Variants in AUTS2 observed in about 807,000 individuals in gnomAD.
AUTS2 encodes activator of transcription and developmental regulator AUTS2, also known as autism susceptibility gene 2 protein.
Under a neutral mutation model 112.4 loss-of-function variants are expected in AUTS2, and 17 were observed. The observed-to-expected ratio is 0.15, with a 90% CI of 0.10 to 0.23. The LOEUF (loss-of-function observed/expected upper bound fraction) is 0.23. Among genes scored for constraint, AUTS2 ranks in the 10% least tolerant of loss-of-function variants. AUTS2 has a pLI of 1.00. For missense variants in AUTS2, 1,510 were observed against 1,701.6 expected, an observed-to-expected ratio of 0.89 and a Z score of 1.98; for synonymous variants, 751 against 702.7, an observed-to-expected ratio of 1.07 and a Z score of -1.09.
chr7:70,584,455 A>G (rs143094257), intron 5 of AUTS2, among the ~76,000 whole-genome samples: 1 of 152,356 alleles, frequency 6.6e-6, no homozygotes, highest in East Asian at 1.9e-4. Flanking sequence ...CTTGGGATTT[A>G]TAAGTTCTGT....
intron 4 of AUTS2, among the ~76,000 whole-genome samples, chr7:70,304,135 C>G (rs1789376003): frequency 6.6e-6 from 1 of 152,194 alleles, no homozygotes; most frequent in Non-Finnish European, 1.5e-5. Flanking sequence ...TCCTGTGATT[C>G]ACACCGTGAG....
chr7:69,706,035 A>G (rs1798050235), intron 1 of AUTS2, among the ~76,000 whole-genome samples: 1 of 152,116 alleles, frequency 6.6e-6, no homozygotes, highest in Non-Finnish European at 1.5e-5. Context: ...TAGGACTTCA[A>G]CCTACAAATT....
chr7:69,821,306 C>G (rs1562906011), intron 1 of AUTS2, among the ~76,000 whole-genome samples: 1 of 152,050 alleles, frequency 6.6e-6, no homozygotes, highest in Non-Finnish European at 1.5e-5. Flanking sequence ...CGAGTGGGGA[C>G]TTGGAGAACT....
In AUTS2 at chr7:70,483,544, T is replaced by C. The variant is rs567326519; in HGVS notation, c.690+47763T>C. On this transcript the variant is annotated intron_variant, in intron 5 of 18. Transcript: ENST00000342771. The stretch of plus-strand genomic sequence containing the variant: ...GTGGCATGGTGGTGAGCAACCCGTG[T>C]GCTTAGCCCAGCGGCTCTCTGGTTT... Among the ~76,000 whole-genome samples the C allele has an allele frequency of 3.9e-5, 6 of 152,342 alleles. No individual in the cohort carries two copies. The South Asian group carries it at 1.2e-3, about 32-fold the overall frequency.
chr7:70,742,201 T>C (rs189176782), intron 6 of AUTS2, among the ~76,000 whole-genome samples: 1 of 152,322 alleles, frequency 6.6e-6, no homozygotes, highest in African/African-American at 2.4e-5. Flanking sequence ...AAAACTCTTG[T>C]TCTTAAAGAT....
chr7:70,612,311 G>A (rs764184425), intron 5 of AUTS2, among the ~76,000 whole-genome samples: 6 of 152,132 alleles, frequency 3.9e-5, no homozygotes, highest in Non-Finnish European at 5.9e-5. Context: ...TCATCTCCAG[G>A]CTTCTGGCTT....
intron 5 of AUTS2, among the ~76,000 whole-genome samples, chr7:70,479,375 G>C (rs1237987676): frequency 6.6e-6 from 1 of 152,112 alleles, no homozygotes; most frequent in African/African-American, 2.4e-5. Flanking sequence ...CCCTTCAGAG[G>C]CACGCTCTGA....
intron 5 of AUTS2, among the ~76,000 whole-genome samples, chr7:70,677,526 C>G (rs1410597220): frequency 2.0e-5 from 3 of 152,156 alleles, no homozygotes; most frequent in Non-Finnish European, 4.4e-5. Context: ...GTTCTGCCTC[C>G]TAAGTGTGTT....
At chr7:69,956,516 G>C (rs914518759) in intron 2 of AUTS2, among the ~76,000 whole-genome samples, 2 of 152,004 alleles carry the variant, frequency 1.3e-5, no homozygotes, top group East Asian at 3.9e-4. Context: ...AAATCTTTAC[G>C]GTGAGTTATG....
At chr7:69,705,822 A>G (rs924848953) in intron 1 of AUTS2, among the ~76,000 whole-genome samples, 4 of 152,022 alleles carry the variant, frequency 2.6e-5, no homozygotes, top group African/African-American at 9.7e-5. Flanking sequence ...TCTGAGGCCA[A>G]TCTCTTTGTC....
intron 4 of AUTS2, among the ~76,000 whole-genome samples, chr7:70,177,982 C>T (rs2129580197): frequency 6.8e-6 from 1 of 147,812 alleles, no homozygotes; most frequent in South Asian, 2.1e-4. Context: ...GTGGCATGAT[C>T]TTGGCTCACT....
chr7:70,088,716 G>A (rs968142417), intron 2 of AUTS2, among the ~76,000 whole-genome samples: 1 of 150,650 alleles, frequency 6.6e-6, no homozygotes, highest in Non-Finnish European at 1.5e-5. Flanking sequence ...AGGTTCAAGC[G>A]ATTCTCCTGC....
rs538816415 is a variant in AUTS2 at position 70,018,974 on chromosome 7, C to T, written c.523-99158C>T. Among the ~76,000 whole-genome samples, 6 of 152,244 alleles carry T rather than the reference C, an allele frequency of 3.9e-5. No homozygotes were observed. In the South Asian group the frequency reaches 1.2e-3, roughly 32 times the overall value. ...GATACATGTCTGTGTATGTTCATTG[C>T]AGTACTACTCACAGTATCAAAGGCA... On this transcript the variant is annotated intron_variant, in intron 2 of 18. Coordinates refer to ENST00000342771, the MANE Select transcript of AUTS2 (RefSeq NM_015570.4).
chr7:69,700,572 A>G (rs1364824707), intron 1 of AUTS2, among the ~76,000 whole-genome samples: 2 of 152,176 alleles, frequency 1.3e-5, no homozygotes, highest in Non-Finnish European at 2.9e-5. Context: ...ATGGAGTGAC[A>G]GACTTGGGAA....
chr7:70,645,369 G>A (rs61214512), intron 5 of AUTS2, among the ~76,000 whole-genome samples: 2,408 of 151,900 alleles, frequency 0.016, 48 homozygotes, highest in East Asian at 0.062. Flanking sequence ...AACAGTTCAC[G>A]TGAGAAGTGT....
Position 70,766,645 on chromosome 7 carries a change from TC to T in AUTS2, c.1689+314del, listed in dbSNP as rs2129557545. Among the ~76,000 whole-genome samples, 1 of 152,320 alleles carries T rather than the reference TC, an allele frequency of 6.6e-6. No individual in the cohort carries two copies. The highest frequency in any genetic ancestry group is 2.4e-5 in the African/African-American group (1 of 41,570). On this transcript the variant is annotated intron_variant, in intron 9 of 18. Transcript: ENST00000342771. The surrounding 1 kb of genome is among the most constrained non-coding windows in gnomAD (Gnocchi z 4.8). ...AAGGGTTGTTTAGTTTTCTTGAACT[TC>T]CCGGGGGACTGTCACCAGGCAGAAA...
intron 1 of AUTS2, among the ~76,000 whole-genome samples, chr7:69,749,415 T>A (rs1171359089): frequency 3.9e-5 from 6 of 152,220 alleles, no homozygotes; most frequent in African/African-American, 1.4e-4. Context: ...CTTTATTCCC[T>A]CATCCTCTTC....
In AUTS2 at chr7:70,248,505, G is replaced by T. The variant is rs1261784780; in HGVS notation, c.660+113934G>T. ...AAAATTTTTTTCTCAGACCTCACAGGGATGAAGATGTTTTAAAAAGCTCTT... is the reference window on the plus strand; with the variant it reads ...AAAATTTTTTTCTCAGACCTCACAGTGATGAAGATGTTTTAAAAAGCTCTT... On this transcript the variant is annotated intron_variant, in intron 4 of 18. Transcript: ENST00000342771. 1.5e-4 allele frequency among the ~76,000 whole-genome samples: 23 copies of T among 152,008 alleles called. 1 individual carries two copies.
chr7:70,579,470 T>C (rs540418219), intron 5 of AUTS2, among the ~76,000 whole-genome samples: 39 of 152,146 alleles, frequency 2.6e-4, no homozygotes, highest in African/African-American at 8.9e-4. Flanking sequence ...ATAAAAAAAA[T>C]GGTGCTGCCC....
Sources: allele counts gnomAD v4.1 joint callset (sites outside exome capture counted in the v4.1 genomes callset), GRCh38; gene constraint gnomAD v4.1.1; non-coding constraint Gnocchi (gnomAD v3.1); transcripts MANE v1.5; gene names NCBI Gene and HGNC (gene_info 2026-07-23, HGNC 2026-07-21).